MATR3: variants seen among roughly 807,000 people sequenced by gnomAD.
The protein encoded by MATR3 is matrin-3.
Under a neutral mutation model 85.5 loss-of-function variants are expected in MATR3, and 4 were observed. The ratio of observed to expected loss-of-function variants is 0.05; its 90% CI spans 0.02 to 0.11. The LOEUF is 0.11. Ranked by LOEUF, MATR3 falls within the 10% of genes least tolerant of loss-of-function variation. MATR3 has a pLI of 1.00. For synonymous variants in MATR3, 336 were observed against 343.1 expected (o/e 0.98, Z 0.23); for missense variants, 685 against 1,016.1 (o/e 0.67, Z 4.43).
upstream of MATR3, among the ~76,000 whole-genome samples, chr5:139,291,650 T>G (rs1389910212): frequency 6.6e-6 from 1 of 152,040 alleles, no homozygotes; most frequent in Admixed American, 6.5e-5. Flanking sequence ...GCGATTCTCC[T>G]GCCTCAGCCT....
intron 14 of MATR3, among the ~76,000 whole-genome samples, chr5:139,326,940 A>G (rs772005099): frequency 6.6e-6 from 1 of 152,214 alleles, no homozygotes; most frequent in Non-Finnish European, 1.5e-5. Flanking sequence ...GACCATTCAT[A>G]TTAAAATAAT....
chr5:139,306,572 T>C (rs910879415), intron 1 of MATR3, among the ~76,000 whole-genome samples: 6 of 152,186 alleles, frequency 3.9e-5, no homozygotes, highest in Non-Finnish European at 8.8e-5. Context: ...CTGCCTGATG[T>C]AGGATGGTCA....
chr5:139,321,795 A>C, intron 9 of MATR3, 103 bp from the exon 10 acceptor site: 1 of 1,092,172 alleles, frequency 9.2e-7, no homozygotes, highest in Non-Finnish European at 1.3e-6. Flanking sequence ...AAAAGAAAAA[A>C]AGTAATGAAA....
At chr5:139,320,914 A>ATTTTT (rs5871694) in intron 9 of MATR3, among the ~76,000 whole-genome samples, 1 of 118,240 alleles carries the variant, frequency 8.5e-6, no homozygotes, top group Non-Finnish European at 1.8e-5. Flanking sequence ...CGCCTGGCTA[A>ATTTTT]TTTTTTTTTT....
rs1330388107 is a variant in MATR3 at position 139,330,194 on chromosome 5, A to C, written c.*799A>C. 1 of 454,396 alleles carries C rather than the reference A, an allele frequency of 2.2e-6. No individual in the cohort carries two copies. The highest frequency in any genetic ancestry group is 4.4e-6 in the Non-Finnish European group (1 of 226,706). The allele number at this position is 454,396 out of a possible 1,614,324, so 28.1% of individuals were successfully genotyped here. On this transcript the variant is annotated 3_prime_UTR_variant, in exon 15 of 15. Transcript: ENST00000394805. ...GTGTAGACCATCTCTTCATATTTTCAAGATGTAATTTTACATTTCTGCATT... is the reference window on the plus strand; with the variant it reads ...GTGTAGACCATCTCTTCATATTTTCCAGATGTAATTTTACATTTCTGCATT...
Position 139,311,750 on chromosome 5 carries a change from C to CTTTTTT in MATR3, c.913-2895_913-2890dup, listed in dbSNP as rs552172719. On this transcript the variant is annotated intron_variant, in intron 2 of 14. Transcript: ENST00000394805. The stretch of plus-strand genomic sequence containing the variant: ...TTAATTGGTATTTGTTTAATTAATC[C>CTTTTTT]TTTTTTTTTTTTTTTTTTTTTTTTT... The CTTTTTT allele has an allele frequency of 2.0e-3, 128 of 65,224 alleles. 4 individuals are homozygous for CTTTTTT. Among genetic ancestry groups the CTTTTTT allele is most frequent in the African/African-American group, 3.6e-3 (56 of 15,356 alleles). 4.0% of individuals were successfully genotyped at this position (65,224 alleles called of 1,614,324 possible).
upstream of MATR3, among the ~76,000 whole-genome samples, chr5:139,291,301 A>G (rs1225867481): frequency 6.6e-6 from 1 of 152,078 alleles, no homozygotes; most frequent in Non-Finnish European, 1.5e-5. Flanking sequence ...CAGATTATTC[A>G]CTCGTCTCAA....
chr5:139,311,476 G>A (rs561211688), intron 2 of MATR3: 3 of 152,256 alleles, frequency 2.0e-5, no homozygotes, highest in Admixed American at 6.5e-5. Flanking sequence ...ATGAGTTTGG[G>A]AGGTATGTGA....
intron 1 of MATR3, chr5:139,294,034 C>CA: frequency 3.3e-5 from 41 of 1,248,444 alleles, no homozygotes; most frequent in South Asian, 3.2e-4. Context: ...CGGAGGTGAG[C>CA]GGTCCGGGAG....
At chr5:139,315,095 G>T in intron 3 of MATR3, 1 of 216,746 alleles carries the variant, frequency 4.6e-6, no homozygotes, top group South Asian at 6.7e-5. Flanking sequence ...CGGAAAAGAG[G>T]GTAGGTTATT....
chr5:139,316,045 T>G (rs767336083), intron 4 of MATR3, 31 bp from the exon 5 acceptor site: 2 of 1,460,924 alleles, frequency 1.4e-6, no homozygotes, highest in African/African-American at 2.8e-5. Context: ...CTCTTTATTA[T>G]GATTTATATT....
chr5:139,303,858 G>A (rs1754578547), intron 1 of MATR3, among the ~76,000 whole-genome samples: 1 of 152,114 alleles, frequency 6.6e-6, no homozygotes, highest in African/African-American at 2.4e-5. Flanking sequence ...CTGAAAGAAT[G>A]ACTAAGGACT....
intron 2 of MATR3, among the ~76,000 whole-genome samples, chr5:139,277,609 TAAATA>T (rs1024991865): frequency 1.6e-4 from 24 of 152,016 alleles, no homozygotes; most frequent in Non-Finnish European, 1.2e-4. Context: ...CAAATAATGG[TAAATA>T]AAATAATTCC....
chr5:139,313,160 T>C (rs888235117), intron 2 of MATR3: 1 of 151,922 alleles, frequency 6.6e-6, no homozygotes, highest in Admixed American at 6.6e-5. Flanking sequence ...CATCCCCCTT[T>C]AAAAACACAT....
rs1452576519 is a variant in MATR3 at position 139,314,686 on chromosome 5, A to G, written c.924A>G (p.Gln308=). The change falls in exon 3 of 15, where the codon CAA becomes CAG. Residue 308 remains glutamine, a synonymous_variant. Coordinates refer to ENST00000394805, the MANE Select transcript of MATR3 (RefSeq NM_018834.6). ...LPVHSNKEWS[Q]HINGASHSRR... is the part of the protein sequence containing the mutation. ...TTACTTTGCTGCAGGAGTGGAGTCAACATATCAATGGAGCAAGTCACAGTC... is the reference window on the plus strand; with the variant it reads ...TTACTTTGCTGCAGGAGTGGAGTCAGCATATCAATGGAGCAAGTCACAGTC... 6.2e-7 allele frequency: 1 copy of G among 1,613,876 alleles called. No homozygotes were observed. The highest frequency in any genetic ancestry group is 8.5e-7 in the Non-Finnish European group (1 of 1,179,834).
At position 139,330,625 on chromosome 5, in the gene MATR3, A is replaced by T. The variant is rs1202607389; in HGVS notation, c.*1230A>T. 2.2e-6 allele frequency: 1 copy of T among 454,018 alleles called. No homozygotes were observed. Among genetic ancestry groups the T allele is most frequent in the Non-Finnish European group, 4.4e-6 (1 of 226,794 alleles). 28.1% of individuals were successfully genotyped at this position (454,018 alleles called of 1,614,324 possible). A position where few individuals can be genotyped will look rare whatever the true frequency, so the allele number is the denominator to read the frequency against. ...AAAAGTGAGGCCATTTGTGGTTTTT[A>T]AAAACCTTATGAATTAAAAATGCTA... On this transcript the variant is annotated 3_prime_UTR_variant, in exon 15 of 15. Transcript: ENST00000394805.
At chr5:139,293,880 G>A (rs2151915522) in intron 1 of MATR3, 75 bp downstream of exon 1, 6 of 837,870 alleles carry the variant, frequency 7.2e-6, no homozygotes, top group Middle Eastern at 4.0e-4. Context: ...GGACAACGAC[G>A]GCGACAGGGG....
At chr5:139,282,254 T>G (rs548355614) in intron 3 of MATR3, among the ~76,000 whole-genome samples, 1 of 152,336 alleles carries the variant, frequency 6.6e-6, no homozygotes, top group African/African-American at 2.4e-5. Flanking sequence ...TTCACTGAAT[T>G]AACAAATTAA....
intron 3 of MATR3, chr5:139,285,314 A>G (rs1581204936): frequency 6.6e-6 from 1 of 152,276 alleles, no homozygotes; most frequent in Non-Finnish European, 1.5e-5. Flanking sequence ...GTTTGTCCTA[A>G]CAGAACAAAA....
Sources: allele counts gnomAD v4.1 joint callset (sites outside exome capture counted in the v4.1 genomes callset), GRCh38; gene constraint gnomAD v4.1.1; transcripts MANE v1.5; gene names NCBI Gene and HGNC (gene_info 2026-07-23, HGNC 2026-07-21).